FAM124B: variants seen among roughly 807,000 people sequenced by gnomAD.
FAM124B encodes the protein family with sequence similarity 124 member B.
FAM124B carries 18 observed loss-of-function variants against 19.7 expected under a neutral mutation model. That is an observed-to-expected ratio of 0.92 (90% CI 0.63 to 1.36). The LOEUF (loss-of-function observed/expected upper bound fraction) is 1.36, where lower values mean the gene tolerates loss of function less well. Among genes scored for constraint, FAM124B ranks in the 40% most tolerant of loss-of-function variants. FAM124B has a pLI of 0.00. For synonymous variants in FAM124B, 223 were observed against 225.2 expected (o/e 0.99, Z 0.09); for missense variants, 540 against 553.3 (o/e 0.98, Z 0.24).
At chr2:224,396,979 C>T (rs993062617) in intron 1 of FAM124B, among the ~76,000 whole-genome samples, 14 of 152,314 alleles carry the variant, frequency 9.2e-5, no homozygotes, top group South Asian at 8.3e-4. Flanking sequence ...AAGCCAGACT[C>T]GCTACCCAGC....
chr2:224,399,767 A>G (rs1311728291), intron 1 of FAM124B: 3 of 152,242 alleles, frequency 2.0e-5, no homozygotes, highest in Non-Finnish European at 4.4e-5. Context: ...AAATAAAATT[A>G]TCAATTTAAG....
Position 224,401,755 on chromosome 2 carries a change from T to A in FAM124B, c.14A>T (p.Gln5Leu). The change falls in exon 1 of 2, where the codon CAG becomes CTG. Residue 5 changes from glutamine (Q) to leucine (L), a missense_variant. Physicochemically the swap from Gln to Leu is moderately radical, Grantham distance 113. Transcript: ENST00000409685. ...ATGGACAGTCATGGCCAGAGGCCCCTGTGTCTCATCCATGGAGGAACTGCC... is the reference window on the plus strand; with the variant it reads ...ATGGACAGTCATGGCCAGAGGCCCCAGTGTCTCATCCATGGAGGAACTGCC... MDET[Q>L]GPLAMTVHLL... 1.9e-6 allele frequency: 3 copies of A among 1,612,532 alleles called. No homozygotes were observed. Among genetic ancestry groups the A allele is most frequent in the Non-Finnish European group, 2.5e-6 (3 of 1,179,276 alleles).
At chr2:224,384,498 G>C (rs1252663834) in intron 1 of FAM124B, among the ~76,000 whole-genome samples, 2 of 152,112 alleles carry the variant, frequency 1.3e-5, no homozygotes, top group African/African-American at 4.8e-5. Context: ...ATGTGTTCAG[G>C]ATGCCACAGA....
intron 1 of FAM124B, among the ~76,000 whole-genome samples, chr2:224,381,526 T>TG (rs1335859497): frequency 7.4e-6 from 1 of 134,366 alleles, no homozygotes; most frequent in Non-Finnish European, 1.6e-5. Flanking sequence ...TGCCAGGGGT[T>TG]GGGGGGAGGG....
intron 1 of FAM124B, among the ~76,000 whole-genome samples, chr2:224,386,722 G>A (rs374719329): frequency 3.8e-4 from 58 of 152,214 alleles, no homozygotes; most frequent in Non-Finnish European, 6.8e-4. Flanking sequence ...CTTTGTTATC[G>A]TATGTCCAGT....
intron 1 of FAM124B, among the ~76,000 whole-genome samples, chr2:224,392,163 G>C (rs149069493): frequency 2.0e-3 from 298 of 152,230 alleles, no homozygotes; most frequent in African/African-American, 6.8e-3. Context: ...AGGATTTGGC[G>C]CTGGCACGGT....
Position 224,400,904 on chromosome 2 carries a change from G to A in FAM124B, c.732+133C>T, listed in dbSNP as rs916689131. 19 of 1,204,564 alleles carry A rather than the reference G, an allele frequency of 1.6e-5. 1 individual carries two copies. The Admixed American group carries it at 4.2e-4, about 27-fold the overall frequency. 74.6% of individuals were successfully genotyped at this position (1,204,564 alleles called of 1,614,324 possible). On this transcript the variant is annotated intron_variant, in intron 1 of 1. Coordinates refer to ENST00000409685, the MANE Select transcript of FAM124B (RefSeq NM_001122779.2). ...GAGATTCGGATCAAACTGCCCTGGGGTGGGAATTTATGAAAGACCCTAAGG... is the reference window on the plus strand; with the variant it reads ...GAGATTCGGATCAAACTGCCCTGGGATGGGAATTTATGAAAGACCCTAAGG...
chr2:224,394,832 A>G (rs140277473), intron 1 of FAM124B, among the ~76,000 whole-genome samples: 131 of 152,142 alleles, frequency 8.6e-4, no homozygotes, highest in African/African-American at 3.0e-3. Context: ...TTCCCTACAC[A>G]CAAGGTGGGT....
chr2:224,396,021 T>C (rs573428488), intron 1 of FAM124B, among the ~76,000 whole-genome samples: 3 of 152,304 alleles, frequency 2.0e-5, no homozygotes, highest in African/African-American at 4.8e-5. Context: ...AAGGATAGAA[T>C]AGAAGCTACT....
Position 224,401,778 on chromosome 2 carries a change from G to A in FAM124B, c.-10C>T. On this transcript the variant is annotated 5_prime_UTR_variant, in exon 1 of 2. Transcript: ENST00000409685. Reference sequence around the variant, plus strand: ...CCTGTGTCTCATCCATGGAGGAACTGCCTGAGGCTGACAAAGACAGCGTGT... The same window carrying A: ...CCTGTGTCTCATCCATGGAGGAACTACCTGAGGCTGACAAAGACAGCGTGT... 1.2e-6 allele frequency: 2 copies of A among 1,602,330 alleles called. No individual in the cohort carries two copies. Among genetic ancestry groups the A allele is most frequent in the African/African-American group, 2.7e-5 (2 of 74,508 alleles).
At chr2:224,380,328 TG>T in intron 1 of FAM124B, 120 bp from the exon 2 acceptor site, 2 of 893,338 alleles carry the variant, frequency 2.2e-6, no homozygotes, top group South Asian at 3.6e-5. Context: ...TCAGTAAATT[TG>T]GTTGAATTGA....
intron 1 of FAM124B, among the ~76,000 whole-genome samples, chr2:224,391,430 C>T (rs1689886272): frequency 6.6e-6 from 1 of 151,646 alleles, no homozygotes; most frequent in Non-Finnish European, 1.5e-5. Flanking sequence ...GTAGGTTACT[C>T]TTATTAAAAT....
At position 224,379,512 on chromosome 2, in the gene FAM124B, T is replaced by A. The variant is rs1373504184; in HGVS notation, c.*61A>T. The A allele has an allele frequency of 6.8e-7, 1 of 1,470,236 alleles. No homozygotes were observed. The highest frequency in any genetic ancestry group is 9.0e-7 in the Non-Finnish European group (1 of 1,110,970). The allele number at this position is 1,470,236 out of a possible 1,614,324, so 91.1% of individuals were successfully genotyped here. ...AACTAACAGGCTGATTCTGGGTCAG[T>A]ACTCCATTTCTAGAACATTTTATCT... On this transcript the variant is annotated 3_prime_UTR_variant, in exon 2 of 2. Coordinates refer to ENST00000409685, the MANE Select transcript of FAM124B (RefSeq NM_001122779.2).
At chr2:224,390,793 C>CG (rs1393586823) in intron 1 of FAM124B, among the ~76,000 whole-genome samples, 1 of 151,210 alleles carries the variant, frequency 6.6e-6, no homozygotes. Context: ...CTCCACCTCC[C>CG]GGGTTCACGC....
chr2:224,400,906 G>A (rs531886212), intron 1 of FAM124B, 131 bp downstream of exon 1: 4 of 1,221,552 alleles, frequency 3.3e-6, no homozygotes, highest in African/African-American at 3.0e-5. Context: ...GCCCTGGGGT[G>A]GGAATTTATG....
rs996297357 is a variant in FAM124B at position 224,401,888 on chromosome 2, G to C, written c.-120C>G. On this transcript the variant is annotated 5_prime_UTR_variant, in exon 1 of 2. Transcript: ENST00000409685. ...CGCCTGAAAACCTTCAGCTGCAGCG[G>C]CTACTTCTGAGCAGAGCTCTTAACC... 8.2e-7 allele frequency: 1 copy of C among 1,217,726 alleles called. No individual in the cohort carries two copies. Among genetic ancestry groups the C allele is most frequent in the African/African-American group, 1.5e-5 (1 of 65,494 alleles). 75.4% of individuals were successfully genotyped at this position (1,217,726 alleles called of 1,614,324 possible). A position where few individuals can be genotyped will look rare whatever the true frequency, so the allele number is the denominator to read the frequency against.
intron 1 of FAM124B, among the ~76,000 whole-genome samples, chr2:224,381,671 T>C (rs1689720166): frequency 1.3e-5 from 2 of 152,112 alleles, no homozygotes; most frequent in Admixed American, 1.3e-4. Flanking sequence ...AACCCTAATG[T>C]ACCCTATGGG....
At chr2:224,383,503 C>T (rs1189546622) in intron 1 of FAM124B, among the ~76,000 whole-genome samples, 9 of 151,934 alleles carry the variant, frequency 5.9e-5, no homozygotes, top group African/African-American at 1.9e-4. Flanking sequence ...TCCTTTCTTT[C>T]CTTTTCATCT....
rs147752707 is a variant in FAM124B at position 224,401,602 on chromosome 2, T to C, written c.167A>G (p.Lys56Arg). The change falls in exon 1 of 2, where the codon AAG (lysine) becomes AGG (arginine). Residue 56 changes from lysine to arginine, a missense_variant. Physicochemically the swap from Lys to Arg is conservative, Grantham distance 26. Coordinates refer to ENST00000409685, the MANE Select transcript of FAM124B (RefSeq NM_001122779.2). ...ERASPVKYCE[K>R]SHSKRSRFPG... ...AAACCGGGACCGCTTGGAATGGGAC[T>C]TTTCACAGTATTTCACAGGACTGGC... The C allele has an allele frequency of 1.7e-4, 280 of 1,614,162 alleles. No homozygotes were observed. The South Asian group carries it at 2.2e-3, about 13-fold the overall frequency.
Sources: gnomAD v4.1 joint callset for allele counts (sites outside exome capture counted in the v4.1 genomes callset) on GRCh38, gnomAD v4.1.1 for gene constraint, MANE v1.5 for transcripts, NCBI Gene and HGNC (gene_info 2026-07-23, HGNC 2026-07-21) for gene names.